Variants in PRSS16 observed in about 807,000 individuals in gnomAD.
PRSS16 encodes the protein serine protease 16, also known as thymus-specific serine protease.
Under a neutral mutation model 61.7 loss-of-function variants are expected in PRSS16, and 43 were observed. The ratio of observed to expected loss-of-function variants is 0.70; its 90% CI spans 0.55 to 0.90. The LOEUF (loss-of-function observed/expected upper bound fraction) is 0.90. Among genes scored for constraint, PRSS16 ranks in the 40% least tolerant of loss-of-function variants. The pLI is 0.00. For missense variants in PRSS16, 591 were observed against 659.1 expected, an observed-to-expected ratio of 0.90 and a Z score of 1.13; for synonymous variants, 273 against 285.2, an observed-to-expected ratio of 0.96 and a Z score of 0.43.
At position 27,250,874 on chromosome 6, in the gene PRSS16, T is replaced by C. The variant is rs1000898514; in HGVS notation, c.591+68T>C. The C allele has an allele frequency of 1.5e-5, 23 of 1,562,396 alleles. No individual in the cohort carries two copies. In the African/African-American group the frequency reaches 2.2e-4, roughly 15 times the overall value. On this transcript the variant is annotated intron_variant, in intron 5 of 11. Coordinates refer to ENST00000230582, the MANE Select transcript of PRSS16 (RefSeq NM_005865.4). ...ACTCCAGGGCCCCAGTCTCAGATAA[T>C]AGGAATACCCTCCCACCACGCCCCT...
chr6:27,250,584 C>G, intron 4 of PRSS16, 99 bp from the exon 5 acceptor site: 3 of 1,481,654 alleles, frequency 2.0e-6, no homozygotes, highest in Non-Finnish European at 2.7e-6. Context: ...TGGCCAGATT[C>G]ACCCATTCAT....
chr6:27,254,869 A>G lies in PRSS16; in HGVS notation c.1327A>G (p.Asn443Asp). Residue 443 changes from asparagine (N) to aspartate (D), a missense_variant, in exon 10 of 12, where the codon AAT becomes GAT. Asn to Asp is a conservative substitution (Grantham distance 23). Transcript: ENST00000230582. ...TGGGGCTAACAAAGTGCTGTTTGTT[A>G]ATGGTGAGCATGCTATCAAAACCTG... is the stretch of plus-strand genomic sequence containing the variant. The part of the protein sequence containing the change: ...TPGANKVLFV[N>D]GDTDPWHVLS... 6.2e-7 allele frequency: 1 copy of G among 1,613,952 alleles called. No homozygotes were observed. Among genetic ancestry groups the G allele is most frequent in the Non-Finnish European group, 8.5e-7 (1 of 1,179,852 alleles).
At chr6:27,248,198 C>A in intron 2 of PRSS16, 150 bp downstream of exon 2, 1 of 1,036,322 alleles carries the variant, frequency 9.6e-7, no homozygotes, top group South Asian at 1.7e-5. Context: ...CTGTCAGTAT[C>A]CCTTTTCCTG....
At position 27,252,093 on chromosome 6, in the gene PRSS16, C is replaced by T. The variant is rs1759927561; in HGVS notation, c.1008+53C>T. On this transcript the variant is annotated intron_variant, in intron 8 of 11. Coordinates refer to ENST00000230582, the MANE Select transcript of PRSS16 (RefSeq NM_005865.4). The surrounding 1 kb of genome is among the most constrained non-coding windows in gnomAD (Gnocchi z 4.2). ...GAGTTAGCGGACAAAGATTCCTGCC[C>T]CACTTCCGTTGTGTGATCTTGGGCA... 2.1e-6 allele frequency: 3 copies of T among 1,437,196 alleles called. No individual in the cohort carries two copies. The highest frequency in any genetic ancestry group is 3.0e-5 in the Admixed American group (1 of 33,304). The allele number at this position is 1,437,196 out of a possible 1,614,324, so 89.0% of individuals were successfully genotyped here. A position where few individuals can be genotyped will look rare whatever the true frequency, so the allele number is the denominator to read the frequency against.
Position 27,254,745 on chromosome 6 carries a change from C to G in PRSS16, c.1203C>G (p.Pro401=). Residue 401 remains proline (P), a synonymous_variant, in exon 10 of 12, where the codon CCC becomes CCG. Transcript: ENST00000230582. ...RCPFSQLPAL[P]SQLDLCEQVF... is the part of the protein sequence containing the mutation. ...CTTTCTCCCAGCTCCCAGCACTGCC[C>G]TCCCAGCTAGACCTATGTGAGCAGG... The G allele has an allele frequency of 6.2e-7, 1 of 1,614,100 alleles. No homozygotes were observed. The highest frequency in any genetic ancestry group is 2.2e-5 in the East Asian group (1 of 44,888).
In PRSS16 at chr6:27,251,562, AAGG is replaced by A; in HGVS notation, c.718-184_718-182del. On this transcript the variant is annotated intron_variant, in intron 7 of 11. Transcript: ENST00000230582. The surrounding 1 kb of genome is among the most constrained non-coding windows in gnomAD (Gnocchi z 5.6). The stretch of plus-strand genomic sequence containing the variant: ...ACGGGGCCTGCAGGGAAGACCCGAG[AAGG>A]AGGGCTGCGAGGCAGGGGATTGGGG... The A allele has an allele frequency of 3.3e-6, 2 of 608,282 alleles. No individual in the cohort carries two copies. Among genetic ancestry groups the A allele is most frequent in the Non-Finnish European group, 5.0e-6 (2 of 397,246 alleles). The allele number at this position is 608,282 out of a possible 1,614,324, so 37.7% of individuals were successfully genotyped here.
At position 27,254,757 on chromosome 6, in the gene PRSS16, C is replaced by A; in HGVS notation, c.1215C>A (p.Asp405Glu). The change falls in exon 10 of 12, where the codon GAC becomes GAA. Residue 405 changes from aspartate to glutamate, a missense_variant. Asp to Glu is a conservative substitution (Grantham distance 45, BLOSUM62 2). Coordinates refer to ENST00000230582, the MANE Select transcript of PRSS16 (RefSeq NM_005865.4). ...TCCCAGCACTGCCCTCCCAGCTAGA[C>A]CTATGTGAGCAGGTGTTTGGGCTCT... ...SQLPALPSQL[D>E]LCEQVFGLSA... is the part of the protein sequence containing the mutation. 1 of 1,614,048 alleles carries A rather than the reference C, an allele frequency of 6.2e-7. No homozygotes were observed. Among genetic ancestry groups the A allele is most frequent in the Non-Finnish European group, 8.5e-7 (1 of 1,179,894 alleles).
intron 2 of PRSS16, 133 bp downstream of exon 2, chr6:27,248,181 A>G (rs577587771): frequency 8.9e-7 from 1 of 1,120,150 alleles, no homozygotes; most frequent in Non-Finnish European, 1.2e-6. Flanking sequence ...ATCTCATGTT[A>G]TGCTTGCTGT....
At chr6:27,248,701 G>C in intron 2 of PRSS16, 146 bp from the exon 3 acceptor site, 1 of 545,492 alleles carries the variant, frequency 1.8e-6, no homozygotes. Flanking sequence ...GGGGAAAAGT[G>C]AGCAAGTAAA....
Position 27,249,123 on chromosome 6 carries a change from G to A in PRSS16, c.361G>A (p.Ala121Thr). The A allele has an allele frequency of 1.3e-6, 2 of 1,592,852 alleles. No individual in the cohort carries two copies. Among genetic ancestry groups the A allele is most frequent in the Non-Finnish European group, 8.5e-7 (1 of 1,174,804 alleles). ...AGGCCATCCCGCAGCCTTGGCCCCA[G>A]CCTGGGGCGCCCTGGTGATAAGCCT... is the stretch of plus-strand genomic sequence containing the variant. ...MRGHPAALAP[A>T]WGALVISLEH... Residue 121 changes from alanine (A) to threonine (T), a missense_variant, in exon 4 of 12, where the codon GCC becomes ACC. Physicochemically the swap from Ala to Thr is moderately conservative, Grantham distance 58. Coordinates refer to ENST00000230582, the MANE Select transcript of PRSS16 (RefSeq NM_005865.4).
Position 27,251,417 on chromosome 6 carries a change from G to T in PRSS16, c.717+153G>T, listed in dbSNP as rs1162581541. On this transcript the variant is annotated intron_variant, in intron 7 of 11. Transcript: ENST00000230582. This position sits in a 1 kb window ranked among gnomAD's most constrained non-coding sequence, Gnocchi z 5.6. ...GAATACGCAGGTTTTGGAAGAAGGC[G>T]GGAGCTGACGAAGAGGAGGGGCACC... 1.2e-5 allele frequency: 12 copies of T among 1,029,176 alleles called. No homozygotes were observed. In the African/African-American group the frequency reaches 1.9e-4, roughly 17 times the overall value. The allele number at this position is 1,029,176 out of a possible 1,614,324, so 63.8% of individuals were successfully genotyped here.
At chr6:27,253,095 G>A (rs1581477085) in intron 9 of PRSS16, 146 bp downstream of exon 9, 48 of 1,063,426 alleles carry the variant, frequency 4.5e-5, no homozygotes, top group Middle Eastern at 2.9e-4. Context: ...GGAGAAGGTG[G>A]AAGCCATACT....
chr6:27,249,313 C>T, intron 4 of PRSS16, 84 bp downstream of exon 4: 1 of 1,495,314 alleles, frequency 6.7e-7, no homozygotes. Flanking sequence ...TCTCTCTCCT[C>T]CACTGTCTGA....
rs753489944 is a variant in PRSS16 at position 27,251,810 on chromosome 6, G to A, written c.778G>A (p.Ala260Thr). 14 of 1,610,280 alleles carry A rather than the reference G, an allele frequency of 8.7e-6. No homozygotes were observed. The African/African-American group carries it at 1.3e-4, about 15-fold the overall frequency. ...EVERRLRSGGAAQAALRTELS... is the reference protein window; with the variant it reads ...EVERRLRSGGTAQAALRTELS... ...GGAGCGGCGGCTGCGCTCGGGTGGG[G>A]CGGCTCAAGCAGCATTGCGGACGGA... Residue 260 changes from alanine (A) to threonine (T), a missense_variant, in exon 8 of 12, where the codon GCG (alanine) becomes ACG (threonine). By Grantham distance (58) the Ala-to-Thr change is moderately conservative. Transcript: ENST00000230582. This position sits in a 1 kb window ranked among gnomAD's most constrained non-coding sequence, Gnocchi z 5.6.
Position 27,251,725 on chromosome 6 carries a change from G to A in PRSS16, c.718-25G>A, listed in dbSNP as rs1310044651. ...GCCGAGGCCCAGCCTAAGTCTTGGCGGACATCGCCTCTTGCTTCCCACAGT... is the reference window on the plus strand; with the variant it reads ...GCCGAGGCCCAGCCTAAGTCTTGGCAGACATCGCCTCTTGCTTCCCACAGT... On this transcript the variant is annotated intron_variant, in intron 7 of 11. Coordinates refer to ENST00000230582, the MANE Select transcript of PRSS16 (RefSeq NM_005865.4). This position sits in a 1 kb window ranked among gnomAD's most constrained non-coding sequence, Gnocchi z 5.6. 7 of 1,577,710 alleles carry A rather than the reference G, an allele frequency of 4.4e-6. No homozygotes were observed. Among genetic ancestry groups the A allele is most frequent in the South Asian group, 1.1e-5 (1 of 87,696 alleles).
chr6:27,250,600 T>G, intron 4 of PRSS16, 83 bp from the exon 5 acceptor site: 2 of 1,504,660 alleles, frequency 1.3e-6, no homozygotes, highest in Non-Finnish European at 1.8e-6. Context: ...TTCATGTCTC[T>G]GGATCCGGGT....
intron 4 of PRSS16, 22 bp from the exon 5 acceptor site, chr6:27,250,661 C>T: frequency 6.3e-7 from 1 of 1,578,582 alleles, no homozygotes; most frequent in Non-Finnish European, 8.6e-7. Flanking sequence ...GAGGACCGAC[C>T]GAGTCCCCCC....
In PRSS16 at chr6:27,251,062, G is replaced by GT; in HGVS notation, c.613dup (p.Ser205PhefsTer18). ...CTTAGTTCCCCCATCTCATTTTCGC[G>GT]TCGGTCGCCTCCTCCGCCCCGGTGC... On this transcript the variant is annotated frameshift_variant, in exon 6 of 12. Coordinates refer to ENST00000230582, the MANE Select transcript of PRSS16 (RefSeq NM_005865.4). LOFTEE classifies it high-confidence loss of function. This position sits in a 1 kb window ranked among gnomAD's most constrained non-coding sequence, Gnocchi z 5.6. 1 of 1,613,992 alleles carries GT rather than the reference G, an allele frequency of 6.2e-7. No individual in the cohort carries two copies. The highest frequency in any genetic ancestry group is 8.5e-7 in the Non-Finnish European group (1 of 1,180,042).
At chr6:27,253,082 G>T in intron 9 of PRSS16, 133 bp downstream of exon 9, 1 of 1,219,118 alleles carries the variant, frequency 8.2e-7, no homozygotes, top group Non-Finnish European at 1.2e-6. Context: ...CAGATGTTGG[G>T]CTGGAGAAGG....
Sources: gnomAD v4.1 joint callset for allele counts on GRCh38, gnomAD v4.1.1 for gene constraint, Gnocchi (gnomAD v3.1) non-coding constraint, MANE v1.5 for transcripts, NCBI Gene and HGNC (gene_info 2026-07-23, HGNC 2026-07-21) for gene names.